Variants in ELL2 observed in about 807,000 individuals in gnomAD.
The protein encoded by ELL2 is RNA polymerase II elongation factor ELL2.
A neutral mutation model predicts 72.8 loss-of-function variants in ELL2; 21 were observed. The ratio of observed to expected loss-of-function variants is 0.29; its 90% CI spans 0.20 to 0.42. The LOEUF is 0.42. Ranked by LOEUF, ELL2 falls within the 10% of genes least tolerant of loss-of-function variation. ELL2 has a pLI of 1.00. For synonymous variants in ELL2, 266 were observed against 283.2 expected (o/e 0.94, Z 0.61); for missense variants, 568 against 772.8 (o/e 0.73, Z 3.14).
intron 2 of ELL2, among the ~76,000 whole-genome samples, chr5:95,937,670 C>A (rs1036923932): frequency 8.6e-5 from 13 of 151,990 alleles, no homozygotes; most frequent in African/African-American, 2.9e-4. Context: ...TGCATGTTAA[C>A]CACTGTAATA....
At chr5:95,900,634 ACCTGATTAGAGGCC>A in intron 7 of ELL2, 45 bp downstream of exon 7, 1 of 1,237,698 alleles carries the variant, frequency 8.1e-7, no homozygotes. Flanking sequence ...ACATCAGAGG[ACCTGATTAGAGGCC>A]CCTAATATCT....
intron 5 of ELL2, among the ~76,000 whole-genome samples, chr5:95,903,113 C>T (rs184489417): frequency 1.3e-5 from 2 of 151,440 alleles, no homozygotes; most frequent in Admixed American, 6.6e-5. Flanking sequence ...CTTTTACCCC[C>T]AGCACTACAC....
chr5:95,940,101 A>G (rs189158765), intron 2 of ELL2, among the ~76,000 whole-genome samples: 122 of 152,324 alleles, frequency 8.0e-4, no homozygotes, highest in Non-Finnish European at 4.7e-4. Context: ...TACCATAGAT[A>G]TTTCCTCACC....
Position 95,917,571 on chromosome 5 carries a change from G to A in ELL2, c.317+1853C>T, listed in dbSNP as rs566550454. ...CAGCTTGCCAGGCTGTGAAGTGAAA[G>A]CCTGAGAACAAAAGCTAGTGCTTTT... On this transcript the variant is annotated intron_variant, in intron 3 of 11. Transcript: ENST00000237853. Among the ~76,000 whole-genome samples the A allele has an allele frequency of 2.6e-5, 4 of 152,298 alleles. No individual in the cohort carries two copies. In the East Asian group the frequency reaches 7.7e-4, roughly 29 times the overall value.
At chr5:95,951,135 C>T (rs143643284) in intron 1 of ELL2, among the ~76,000 whole-genome samples, 1,967 of 151,152 alleles carry the variant, frequency 0.013, 41 homozygotes, top group African/African-American at 0.044. Context: ...TTTGGGAGGC[C>T]GACGTGGGTG....
At chr5:95,928,982 G>T (rs1750494040) in intron 2 of ELL2, among the ~76,000 whole-genome samples, 1 of 152,136 alleles carries the variant, frequency 6.6e-6, no homozygotes. Flanking sequence ...TACCGTGCTT[G>T]CTGGGTGCCG....
intron 2 of ELL2, among the ~76,000 whole-genome samples, chr5:95,940,376 A>G (rs963432454): frequency 6.6e-6 from 1 of 152,238 alleles, no homozygotes; most frequent in African/African-American, 2.4e-5. Flanking sequence ...GTTCAGGCAC[A>G]AAAGCAAATA....
At chr5:95,938,470 T>C (rs907339260) in intron 2 of ELL2, among the ~76,000 whole-genome samples, 4 of 152,192 alleles carry the variant, frequency 2.6e-5, no homozygotes, top group African/African-American at 4.8e-5. Context: ...AAACCTGTAA[T>C]CCCAGGTCTT....
chr5:95,890,932 T>G, intron 10 of ELL2, 171 bp downstream of exon 10: 1 of 754,052 alleles, frequency 1.3e-6, no homozygotes, highest in Non-Finnish European at 2.2e-6. Flanking sequence ...TTTACTATGT[T>G]AATTTATTTT....
intron 2 of ELL2, among the ~76,000 whole-genome samples, chr5:95,922,239 T>A (rs917313904): frequency 2.6e-5 from 4 of 152,332 alleles, no homozygotes; most frequent in African/African-American, 9.6e-5. Flanking sequence ...ATTTTTTGTA[T>A]TTTTAGTAGA....
intron 2 of ELL2, among the ~76,000 whole-genome samples, chr5:95,924,113 A>G (rs79561512): frequency 0.038 from 5,836 of 152,284 alleles, 380 homozygotes; most frequent in African/African-American, 0.13. Flanking sequence ...TGAAGGCCAG[A>G]GCTAGGGTGG....
At chr5:95,933,361 G>A (rs995971294) in intron 2 of ELL2, among the ~76,000 whole-genome samples, 16 of 152,176 alleles carry the variant, frequency 1.1e-4, no homozygotes, top group African/African-American at 3.9e-4. Flanking sequence ...TACCATTATT[G>A]TTATACAGAA....
chr5:95,917,966 A>G (rs774289278), intron 3 of ELL2, among the ~76,000 whole-genome samples: 2 of 152,224 alleles, frequency 1.3e-5, no homozygotes, highest in Admixed American at 1.3e-4. Flanking sequence ...AAATTAGTGT[A>G]CCATGTTGTG....
chr5:95,901,454 G>A (rs574631902), intron 5 of ELL2, among the ~76,000 whole-genome samples: 6 of 152,228 alleles, frequency 3.9e-5, no homozygotes, highest in African/African-American at 1.4e-4. Flanking sequence ...AACACCCCCA[G>A]TCGATGCCTA....
At chr5:95,937,033 G>A (rs116067231) in intron 2 of ELL2, among the ~76,000 whole-genome samples, 1,862 of 152,270 alleles carry the variant, frequency 0.012, 31 homozygotes, top group African/African-American at 0.041. Context: ...CTAAGTGAAG[G>A]CAGTAAGCTT....
chr5:95,961,210 C>A (rs1218765044), intron 1 of ELL2, among the ~76,000 whole-genome samples: 3 of 152,106 alleles, frequency 2.0e-5, no homozygotes, highest in African/African-American at 7.2e-5. Flanking sequence ...CCTCCTTCCC[C>A]GCCGAGGGTA....
intron 4 of ELL2, among the ~76,000 whole-genome samples, chr5:95,908,559 G>A (rs559040107): frequency 2.0e-3 from 299 of 152,222 alleles, no homozygotes; most frequent in African/African-American, 7.0e-3. Flanking sequence ...GAATGACAGC[G>A]AGAGAGCAAG....
At chr5:95,937,598 C>T (rs1750824794) in intron 2 of ELL2, among the ~76,000 whole-genome samples, 1 of 151,404 alleles carries the variant, frequency 6.6e-6, no homozygotes, top group South Asian at 2.1e-4. Flanking sequence ...TTTATTAACA[C>T]CTTAGTAAAT....
At chr5:95,950,935 T>C (rs1455816477) in intron 1 of ELL2, among the ~76,000 whole-genome samples, 2,609 of 121,600 alleles carry the variant, frequency 0.021, 219 homozygotes, top group African/African-American at 0.081. Flanking sequence ...TATATATATA[T>C]ATATATATAT....
Sources: gnomAD v4.1 joint callset for allele counts (sites outside exome capture counted in the v4.1 genomes callset) on GRCh38, gnomAD v4.1.1 for gene constraint, MANE v1.5 for transcripts, NCBI Gene and HGNC (gene_info 2026-07-23, HGNC 2026-07-21) for gene names.